The following SUGCT variants were observed in gnomAD, a reference collection of about 807,000 sequenced individuals.
The protein encoded by SUGCT is succinyl-CoA:glutarate-CoA transferase, also known as succinyl-CoA:glutarate CoA-transferase.
In SUGCT, 41 loss-of-function variants were observed where a neutral mutation model predicts 55.0. The ratio of observed to expected loss-of-function variants is 0.74; its 90% CI spans 0.58 to 0.97. The LOEUF is 0.97. SUGCT is among the 50% of genes least tolerant of loss of function. SUGCT has a pLI of 0.00. For missense variants in SUGCT, 568 were observed against 547.8 expected, an observed-to-expected ratio of 1.04 and a Z score of -0.37; for synonymous variants, 187 against 200.4, an observed-to-expected ratio of 0.93 and a Z score of 0.56.
At chr7:40,364,997 G>T (rs1200024190) in intron 9 of SUGCT, among the ~76,000 whole-genome samples, 2 of 152,088 alleles carry the variant, frequency 1.3e-5, no homozygotes, top group Non-Finnish European at 2.9e-5. Context: ...GATGAACATT[G>T]ATGCAAAAAT....
intron 1 of SUGCT, among the ~76,000 whole-genome samples, chr7:40,147,193 C>T (rs937552352): frequency 1.3e-5 from 2 of 152,068 alleles, no homozygotes; most frequent in African/African-American, 2.4e-5. Context: ...CAGGAGTGGA[C>T]CTACTCTTTC....
intron 12 of SUGCT, among the ~76,000 whole-genome samples, chr7:40,636,157 G>T (rs542443400): frequency 6.6e-6 from 1 of 152,298 alleles, no homozygotes; most frequent in Non-Finnish European, 1.5e-5. Flanking sequence ...TTTGGGGAGG[G>T]CTGGATGAGG....
intron 12 of SUGCT, among the ~76,000 whole-genome samples, chr7:40,722,374 A>G (rs1584337306): frequency 1.3e-5 from 2 of 152,322 alleles, no homozygotes; most frequent in Admixed American, 1.3e-4. Flanking sequence ...ATAAATACAC[A>G]TATAATCAAG....
chr7:40,662,130 TA>T (rs1272313829), intron 12 of SUGCT, among the ~76,000 whole-genome samples: 2 of 152,256 alleles, frequency 1.3e-5, no homozygotes, highest in Admixed American at 1.3e-4. Context: ...CCTACTTTCT[TA>T]AGCTAACATC....
At chr7:41,005,744 A>G in the SUGCT span, among the ~76,000 whole-genome samples, 1 of 152,166 alleles carries the variant, frequency 6.6e-6, no homozygotes, top group Admixed American at 6.5e-5. Context: ...CAGGGCATAG[A>G]ACTTGCTGTT....
At chr7:40,254,159 T>C (rs1336254552) in intron 7 of SUGCT, among the ~76,000 whole-genome samples, 1 of 152,236 alleles carries the variant, frequency 6.6e-6, no homozygotes, top group African/African-American at 2.4e-5. Context: ...GTGAAATTTA[T>C]ATTGGAAAGC....
At chr7:40,193,281 T>TTG (rs1786033679) in intron 5 of SUGCT, among the ~76,000 whole-genome samples, 1 of 69,812 alleles carries the variant, frequency 1.4e-5, no homozygotes, top group Non-Finnish European at 2.8e-5. Context: ...AATTACTGTG[T>TTG]TTTTTTTTTT....
At chr7:40,683,900 G>A (rs1299723284) in intron 12 of SUGCT, among the ~76,000 whole-genome samples, 3 of 152,172 alleles carry the variant, frequency 2.0e-5, no homozygotes, top group Non-Finnish European at 4.4e-5. Context: ...TCTCACATAG[G>A]TCTCACCAGG....
chr7:40,642,922 G>A (rs1183168509), intron 12 of SUGCT, among the ~76,000 whole-genome samples: 2 of 152,002 alleles, frequency 1.3e-5, no homozygotes, highest in Non-Finnish European at 2.9e-5. Flanking sequence ...TTGTTGACTG[G>A]TCCCTTCTGG....
intron 12 of SUGCT, among the ~76,000 whole-genome samples, chr7:40,703,578 G>A (rs1785265000): frequency 6.6e-6 from 1 of 152,198 alleles, no homozygotes; most frequent in African/African-American, 2.4e-5. Context: ...AAGAGATCCA[G>A]TAAAGCTTAA....
At chr7:40,999,218 CT>C in the SUGCT span, among the ~76,000 whole-genome samples, 943 of 147,424 alleles carry the variant, frequency 6.4e-3, 10 homozygotes, top group African/African-American at 0.021. Flanking sequence ...TTATGCACAG[CT>C]TTTTTTTTTT....
At chr7:40,467,653 A>G (rs1261756925) in intron 11 of SUGCT, among the ~76,000 whole-genome samples, 1 of 152,050 alleles carries the variant, frequency 6.6e-6, no homozygotes, top group Non-Finnish European at 1.5e-5. Flanking sequence ...AAATTCATGA[A>G]CCTCATTTCC....
intron 12 of SUGCT, among the ~76,000 whole-genome samples, chr7:40,699,638 G>A (rs1399729985): frequency 6.6e-6 from 1 of 152,314 alleles, no homozygotes; most frequent in Admixed American, 6.5e-5. Flanking sequence ...GGAGGCTGAG[G>A]TGGGCGGATC....
At chr7:40,571,560 C>A (rs1356930171) in intron 12 of SUGCT, among the ~76,000 whole-genome samples, 2 of 152,168 alleles carry the variant, frequency 1.3e-5, no homozygotes, top group Non-Finnish European at 2.9e-5. Flanking sequence ...AAGGGAGAAG[C>A]TGTTGCTTCT....
chr7:40,442,877 C>T (rs1562780521), intron 9 of SUGCT, among the ~76,000 whole-genome samples: 1 of 152,126 alleles, frequency 6.6e-6, no homozygotes, highest in Admixed American at 6.5e-5. Context: ...CCCCCTTCCC[C>T]CCACACCATG....
At chr7:40,874,320 C>A in the SUGCT span, among the ~76,000 whole-genome samples, 3 of 152,314 alleles carry the variant, frequency 2.0e-5, no homozygotes, top group East Asian at 5.8e-4. Flanking sequence ...CCAAAAGAAC[C>A]GTCATAATCT....
In SUGCT at chr7:40,658,199, T is replaced by C. The variant is rs564405653; in HGVS notation, c.1090-91235T>C. On this transcript the variant is annotated intron_variant, in intron 12 of 13. Transcript: ENST00000335693. ...TGTTGGCATTTATGTTGTTAATCTCTGAATATTTACAAGTCAGCATGAATA... is the reference window on the plus strand; with the variant it reads ...TGTTGGCATTTATGTTGTTAATCTCCGAATATTTACAAGTCAGCATGAATA... Among the ~76,000 whole-genome samples the C allele has an allele frequency of 1.1e-3, 171 of 152,310 alleles. 1 individual carries two copies. Among genetic ancestry groups the C allele is most frequent in the African/African-American group, 3.9e-3 (164 of 41,564 alleles).
chr7:40,341,472 AG>A (rs1040260680), intron 9 of SUGCT, among the ~76,000 whole-genome samples: 6 of 152,206 alleles, frequency 3.9e-5, no homozygotes, highest in Non-Finnish European at 8.8e-5. Flanking sequence ...GTAAACAGTG[AG>A]GTCCCTCTTG....
chr7:40,325,914 T>TTTG (rs1554312045), intron 9 of SUGCT, among the ~76,000 whole-genome samples: 1 of 149,184 alleles, frequency 6.7e-6, no homozygotes, highest in Non-Finnish European at 1.5e-5. Context: ...TTTTTGTTTG[T>TTTG]TTTTGGCAGA....
Sources: gnomAD v4.1 joint callset for allele counts (sites outside exome capture counted in the v4.1 genomes callset) on GRCh38, gnomAD v4.1.1 for gene constraint, MANE v1.5 for transcripts, NCBI Gene and HGNC (gene_info 2026-07-23, HGNC 2026-07-21) for gene names.